SH3D19: variants seen among roughly 807,000 people sequenced by gnomAD.
SH3D19 encodes the protein SH3 domain-containing protein 19.
In SH3D19, 58 loss-of-function variants were observed where a neutral mutation model predicts 112.1. That is an observed-to-expected ratio of 0.52 (90% confidence interval 0.42 to 0.64). The LOEUF (loss-of-function observed/expected upper bound fraction) is 0.64. Ranked by LOEUF, SH3D19 falls within the 30% of genes least tolerant of loss-of-function variation. SH3D19 has a pLI of 0.00. For missense variants in SH3D19, 1,090 were observed against 1,263.4 expected (o/e 0.86, Z 2.08); for synonymous variants, 391 against 448.5 (o/e 0.87, Z 1.62).
intron 1 of SH3D19, among the ~76,000 whole-genome samples, chr4:151,252,557 CTTTA>C (rs1771500312): frequency 6.6e-6 from 1 of 152,118 alleles, no homozygotes; most frequent in South Asian, 2.1e-4. Flanking sequence ...TCACAGTGGG[CTTTA>C]TTTATACTCA....
At chr4:151,144,145 T>C in intron 11 of SH3D19, 95 bp from the exon 12 acceptor site, 1 of 1,586,992 alleles carries the variant, frequency 6.3e-7, no homozygotes, top group Non-Finnish European at 8.6e-7. Flanking sequence ...AAGCATTTAA[T>C]AATGTGTAAT....
intron 7 of SH3D19, among the ~76,000 whole-genome samples, chr4:151,166,708 T>C (rs1758097092): frequency 6.6e-6 from 1 of 152,182 alleles, no homozygotes; most frequent in Admixed American, 6.5e-5. Context: ...ATGCACTCCA[T>C]AGCTCCTGTG....
At chr4:151,287,149 TG>T (rs1379483053) in intron 1 of SH3D19, among the ~76,000 whole-genome samples, 1 of 151,750 alleles carries the variant, frequency 6.6e-6, no homozygotes, top group African/African-American at 2.4e-5. Flanking sequence ...GGGACCAGCC[TG>T]GCCTACATGG....
At chr4:151,320,777 C>T (rs776339124) in intron 1 of SH3D19, among the ~76,000 whole-genome samples, 19 of 152,128 alleles carry the variant, frequency 1.2e-4, no homozygotes, top group African/African-American at 2.4e-4. Context: ...CAGTGGCTCA[C>T]GCCTGTAATT....
intron 1 of SH3D19, among the ~76,000 whole-genome samples, chr4:151,234,735 G>GTTTTTTTTTTT (rs541665981): frequency 2.0e-4 from 5 of 25,076 alleles, no homozygotes; most frequent in African/African-American, 4.6e-4. Flanking sequence ...CCAAGTTTGT[G>GTTTTTTTTTTT]TTTTTTTTTT....
chr4:151,178,125 G>A (rs1760245800), intron 4 of SH3D19, among the ~76,000 whole-genome samples: 1 of 152,116 alleles, frequency 6.6e-6, no homozygotes, highest in African/African-American at 2.4e-5. Context: ...TCTTGCTCAG[G>A]CAGGTTTCGA....
At chr4:151,162,203 C>T (rs983099002) in intron 8 of SH3D19, among the ~76,000 whole-genome samples, 1 of 151,182 alleles carries the variant, frequency 6.6e-6, no homozygotes, top group East Asian at 1.9e-4. Context: ...CCTGTGTCCA[C>T]GTGTTCTCAC....
intron 1 of SH3D19, among the ~76,000 whole-genome samples, chr4:151,246,374 C>G (rs190718353): frequency 6.6e-6 from 1 of 152,304 alleles, no homozygotes; most frequent in East Asian, 1.9e-4. Flanking sequence ...AATTACCTAG[C>G]ATTTTCCTTG....
intron 1 of SH3D19, among the ~76,000 whole-genome samples, chr4:151,252,134 C>T (rs980896360): frequency 6.6e-6 from 1 of 152,198 alleles, no homozygotes; most frequent in African/African-American, 2.4e-5. Flanking sequence ...CATTGCAGCA[C>T]TATTTGCTTT....
At chr4:151,310,567 ACT>A (rs1040142181) in intron 1 of SH3D19, among the ~76,000 whole-genome samples, 3 of 147,520 alleles carry the variant, frequency 2.0e-5, no homozygotes, top group East Asian at 2.0e-4. Flanking sequence ...GAAATAAATC[ACT>A]CTCTCTCTCT....
chr4:151,266,400 T>C (rs887011519), intron 1 of SH3D19, among the ~76,000 whole-genome samples: 1 of 152,254 alleles, frequency 6.6e-6, no homozygotes, highest in Non-Finnish European at 1.5e-5. Context: ...AAAGATGAGC[T>C]ATTTCATCTT....
rs78179454 is a variant in SH3D19, at chr4:151,186,268, G to A, written c.193+1155C>T. Among the ~76,000 whole-genome samples the A allele has an allele frequency of 1.6e-3, 251 of 152,138 alleles. 8 individuals carry two copies. The East Asian group carries it at 0.04, about 24-fold the overall frequency. On this transcript the variant is annotated intron_variant, in intron 3 of 19. Coordinates refer to ENST00000604030, the MANE Select transcript of SH3D19 (RefSeq NM_001378122.1). The stretch of plus-strand genomic sequence containing the variant: ...TTTTGAAGTTTTGACCAAGAGATAA[G>A]GACAGAAAATAGAAATGTTCCTTTC...
intron 19 of SH3D19, among the ~76,000 whole-genome samples, chr4:151,126,659 C>T (rs1336780445): frequency 6.6e-6 from 1 of 151,142 alleles, no homozygotes; most frequent in African/African-American, 2.4e-5. Flanking sequence ...ATTAGCTGGG[C>T]ATGGTGGCGG....
Position 151,266,642 on chromosome 4 carries a change from G to A in SH3D19, c.113-40556C>T, listed in dbSNP as rs557306557. ...AGTCCCTTGAATTTGATCTCTTCTA[G>A]GTGCTCTGACAAGGCCTGAAGTCCA... On this transcript the variant is annotated intron_variant, in intron 1 of 19. Coordinates refer to ENST00000604030, the MANE Select transcript of SH3D19 (RefSeq NM_001378122.1). 2.6e-5 allele frequency among the ~76,000 whole-genome samples: 4 copies of A among 152,262 alleles called. No homozygotes were observed. In the East Asian group the frequency reaches 5.8e-4, roughly 22 times the overall value.
rs533904627 is a variant in SH3D19 at position 151,220,724 on chromosome 4, G to T, written c.152+5323C>A. Among the ~76,000 whole-genome samples, 26 of 152,274 alleles carry T rather than the reference G, an allele frequency of 1.7e-4. 2 individuals are homozygous for T. The South Asian group carries it at 5.0e-3, about 29-fold the overall frequency. On this transcript the variant is annotated intron_variant, in intron 2 of 19. Coordinates refer to ENST00000604030, the MANE Select transcript of SH3D19 (RefSeq NM_001378122.1). Reference sequence around the variant, plus strand: ...TAAATTCAAATAAATTTTTAAACGAGTGTGTAGTATAGCTCTCACTTGGAG... The same window carrying T: ...TAAATTCAAATAAATTTTTAAACGATTGTGTAGTATAGCTCTCACTTGGAG...
chr4:151,214,271 T>C (rs1212797651), intron 2 of SH3D19, among the ~76,000 whole-genome samples: 1 of 151,710 alleles, frequency 6.6e-6, no homozygotes, highest in East Asian at 1.9e-4. Flanking sequence ...TCTACTTCTT[T>C]CCACACAGAC....
At chr4:151,189,249 G>C (rs746296347) in intron 2 of SH3D19, among the ~76,000 whole-genome samples, 80 of 152,134 alleles carry the variant, frequency 5.3e-4, no homozygotes, top group Non-Finnish European at 1.5e-4. Context: ...AAGCAGCTGG[G>C]ACTACAGGCA....
At chr4:151,173,509 T>C (rs1759415280) in intron 7 of SH3D19, among the ~76,000 whole-genome samples, 1 of 152,184 alleles carries the variant, frequency 6.6e-6, no homozygotes, top group Non-Finnish European at 1.5e-5. Flanking sequence ...TCACAGACGG[T>C]TGTTGCAATT....
At chr4:151,252,653 C>T (rs1442894169) in intron 1 of SH3D19, among the ~76,000 whole-genome samples, 1 of 152,164 alleles carries the variant, frequency 6.6e-6, no homozygotes, top group Non-Finnish European at 1.5e-5. Context: ...CTAGTTTGGG[C>T]CAAGTCTCCA....
Sources: gnomAD v4.1 joint callset for allele counts (sites outside exome capture counted in the v4.1 genomes callset) on GRCh38, gnomAD v4.1.1 for gene constraint, MANE v1.5 for transcripts, NCBI Gene and HGNC (gene_info 2026-07-23, HGNC 2026-07-21) for gene names.